The following PCSK1 variants were observed in gnomAD, a reference collection of about 807,000 sequenced individuals.
PCSK1 encodes the protein proprotein convertase subtilisin/kexin type 1, also known as neuroendocrine convertase 1.
PCSK1 carries 56 observed loss-of-function variants against 90.6 expected under a neutral mutation model. That is an observed-to-expected ratio of 0.62 (90% CI 0.50 to 0.77). The LOEUF is 0.77. Among genes scored for constraint, PCSK1 ranks in the 30% least tolerant of loss-of-function variants. The probability of loss-of-function intolerance (pLI) is 0.00; values close to 1 mark genes in which losing one functional copy is unlikely to be tolerated. For synonymous variants in PCSK1, 348 were observed against 342.4 expected, an observed-to-expected ratio of 1.02 and a Z score of -0.18; for missense variants, 801 against 932.6, an observed-to-expected ratio of 0.86 and a Z score of 1.84.
At chr5:96,427,590 AC>A (rs1761350108) in intron 2 of PCSK1, among the ~76,000 whole-genome samples, 2 of 152,054 alleles carry the variant, frequency 1.3e-5, no homozygotes, top group Non-Finnish European at 2.9e-5. Flanking sequence ...TTGAGATTCC[AC>A]CCCTCCCCCA....
intron 5 of PCSK1, among the ~76,000 whole-genome samples, chr5:96,418,407 G>A (rs1259984242): frequency 6.6e-6 from 1 of 152,104 alleles, no homozygotes; most frequent in Non-Finnish European, 1.5e-5. Context: ...TGTCACATTT[G>A]TTATTTAACT....
In PCSK1 at chr5:96,410,756, T is replaced by C. The variant is rs2112419446; in HGVS notation, c.1095+18A>G. ...GCTCTCCTAACTAAGCAGAGAGAAT[T>C]AGACAAAAGCAACATACGATTCTCT... On this transcript the variant is annotated intron_variant, in intron 8 of 13. Transcript: ENST00000311106. The C allele has an allele frequency of 1.3e-6, 2 of 1,598,778 alleles. No individual in the cohort carries two copies. Among genetic ancestry groups the C allele is most frequent in the East Asian group, 2.2e-5 (1 of 44,810 alleles).
chr5:96,428,360 A>G (rs990058359), intron 2 of PCSK1, among the ~76,000 whole-genome samples: 1 of 152,226 alleles, frequency 6.6e-6, no homozygotes, highest in Non-Finnish European at 1.5e-5. Context: ...AAAATTATGT[A>G]CACAGATATC....
chr5:96,401,086 C>A (rs1327890494), intron 9 of PCSK1, among the ~76,000 whole-genome samples: 202 of 70,526 alleles, frequency 2.9e-3, no homozygotes, highest in South Asian at 0.013. Context: ...GACTCCGTCT[C>A]AAAAAAAAAA....
At chr5:96,414,508 T>C (rs1332678102) in intron 6 of PCSK1, among the ~76,000 whole-genome samples, 2 of 152,178 alleles carry the variant, frequency 1.3e-5, no homozygotes, top group African/African-American at 4.8e-5. Context: ...GCCTATAATA[T>C]TTGTAGAGTA....
chr5:96,412,752 G>GTTTTTTTTTTTTTTTTTTTT lies in PCSK1; in HGVS notation c.710-282_710-263dup, dbSNP rs57397343. Among the ~76,000 whole-genome samples, 25 of 71,804 alleles carry GTTTTTTTTTTTTTTTTTTTT rather than the reference G, an allele frequency of 3.5e-4. 3 individuals are homozygous for GTTTTTTTTTTTTTTTTTTTT. The highest frequency in any genetic ancestry group is 2.2e-3 in the African/African-American group (24 of 11,124). The allele number at this position is 71,804 out of a possible 152,430, so 47.1% of individuals were successfully genotyped here. A position where few individuals can be genotyped will look rare whatever the true frequency, so the allele number is the denominator to read the frequency against. On this transcript the variant is annotated intron_variant, in intron 6 of 13. Transcript: ENST00000311106. ...CATGCACTGTGTAGGCAGCTGTGAT[G>GTTTTTTTTTTTTTTTTTTTT]TTTTTTTTTTTTTTTTTTTTTTTGG...
chr5:96,414,087 C>T (rs1286854789), intron 6 of PCSK1, among the ~76,000 whole-genome samples: 2 of 144,956 alleles, frequency 1.4e-5, no homozygotes, highest in Admixed American at 7.0e-5. Context: ...TGCAGTGAGC[C>T]GAGATCGCGC....
intron 6 of PCSK1, among the ~76,000 whole-genome samples, chr5:96,413,858 G>A (rs1219521396): frequency 7.0e-6 from 1 of 143,622 alleles, no homozygotes; most frequent in African/African-American, 2.6e-5. Context: ...GGTGGCTCAC[G>A]CCTGTAATCC....
intron 5 of PCSK1, among the ~76,000 whole-genome samples, chr5:96,418,631 T>C (rs1350273805): frequency 6.6e-6 from 1 of 152,200 alleles, no homozygotes; most frequent in East Asian, 1.9e-4. Context: ...AACCTTGGAA[T>C]TGGGGTATAA....
At chr5:96,424,997 GAGAAAGAAAGA>G (rs1561376144) in intron 3 of PCSK1, among the ~76,000 whole-genome samples, 10 of 100,186 alleles carry the variant, frequency 1.0e-4, no homozygotes, top group African/African-American at 4.6e-4. Context: ...AAGAAAGAAA[GAGAAAGAAAGA>G]AAAGAAAGAA....
chr5:96,431,180 C>T (rs1049314831), intron 1 of PCSK1, among the ~76,000 whole-genome samples: 2 of 152,134 alleles, frequency 1.3e-5, no homozygotes, highest in African/African-American at 4.8e-5. Flanking sequence ...GCTACTCATA[C>T]CCTCTTTGGG....
intron 5 of PCSK1, among the ~76,000 whole-genome samples, chr5:96,418,020 T>G (rs918814675): frequency 6.6e-6 from 1 of 152,240 alleles, no homozygotes; most frequent in Non-Finnish European, 1.5e-5. Flanking sequence ...ATCAATCTGC[T>G]GACAGACATC....
Position 96,392,781 on chromosome 5 carries a change from G to A in PCSK1, c.*220C>T. ...CAAAACACTTCACTTGTGCAGACAG[G>A]AAAGATGTGTTTTGAAATACCTATG... is the stretch of plus-strand genomic sequence containing the variant. On this transcript the variant is annotated 3_prime_UTR_variant, in exon 14 of 14. Coordinates refer to ENST00000311106, the MANE Select transcript of PCSK1 (RefSeq NM_000439.5). 1 of 596,798 alleles carries A rather than the reference G, an allele frequency of 1.7e-6. No homozygotes were observed. The highest frequency in any genetic ancestry group is 3.0e-6 in the Non-Finnish European group (1 of 336,720). The allele number at this position is 596,798 out of a possible 1,614,324, so 37.0% of individuals were successfully genotyped here.
intron 6 of PCSK1, among the ~76,000 whole-genome samples, chr5:96,414,000 G>C (rs1181328987): frequency 6.8e-6 from 1 of 147,614 alleles, no homozygotes; most frequent in Non-Finnish European, 1.5e-5. Flanking sequence ...TTAGCCGGGC[G>C]TAGTGGCGGG....
intron 10 of PCSK1, among the ~76,000 whole-genome samples, 168 bp from the exon 11 acceptor site, chr5:96,399,204 T>C (rs1760267408): frequency 6.6e-6 from 1 of 152,216 alleles, no homozygotes; most frequent in East Asian, 1.9e-4. Context: ...TTTTAATGCA[T>C]AAGAAAATGG....
rs1455113027 is a variant in PCSK1, at chr5:96,404,702, G to A, written c.1196+3521C>T. ...CTCCCTCACAGGGCTGTGGGAGGCT[G>A]CAAGGTGTGGTTGCTGATAGCACAG... On this transcript the variant is annotated intron_variant, in intron 9 of 13. Coordinates refer to ENST00000311106, the MANE Select transcript of PCSK1 (RefSeq NM_000439.5). 2.0e-5 allele frequency among the ~76,000 whole-genome samples: 3 copies of A among 152,204 alleles called. No homozygotes were observed. The East Asian group carries it at 5.8e-4, about 29-fold the overall frequency.
intron 1 of PCSK1, among the ~76,000 whole-genome samples, chr5:96,431,432 T>C (rs1024294782): frequency 1.3e-5 from 2 of 152,202 alleles, no homozygotes; most frequent in African/African-American, 4.8e-5. Flanking sequence ...TATTGAGACT[T>C]CAAGTACAAC....
Position 96,411,895 on chromosome 5 carries a change from C to T in PCSK1, c.882+423G>A, listed in dbSNP as rs556789420. Among the ~76,000 whole-genome samples, 48 of 152,298 alleles carry T rather than the reference C, an allele frequency of 3.2e-4. 1 individual carries two copies. Among genetic ancestry groups the T allele is most frequent in the Middle Eastern group, 3.4e-3 (1 of 294 alleles). On this transcript the variant is annotated intron_variant, in intron 7 of 13. Transcript: ENST00000311106. ...TGCAATCTCAGCTCACTGCTACCTCCGCCTTCTGGGTTCAAGCAATTCTTG... is the reference window on the plus strand; with the variant it reads ...TGCAATCTCAGCTCACTGCTACCTCTGCCTTCTGGGTTCAAGCAATTCTTG...
intron 12 of PCSK1, among the ~76,000 whole-genome samples, chr5:96,395,500 G>A (rs1363301092): frequency 7.2e-5 from 11 of 152,168 alleles, no homozygotes; most frequent in Non-Finnish European, 1.5e-4. Flanking sequence ...CAGGGACATG[G>A]ATAAAGCTGG....
Sources: gnomAD v4.1 joint callset for allele counts (sites outside exome capture counted in the v4.1 genomes callset) on GRCh38, gnomAD v4.1.1 for gene constraint, MANE v1.5 for transcripts, NCBI Gene and HGNC (gene_info 2026-07-23, HGNC 2026-07-21) for gene names.